The following ZCCHC7 variants were observed in gnomAD, a reference collection of about 807,000 sequenced individuals.
The protein encoded by ZCCHC7 is zinc finger CCHC domain-containing protein 7.
ZCCHC7 carries 35 observed loss-of-function variants against 52.0 expected under a neutral mutation model. That is an observed-to-expected ratio of 0.67 (90% CI 0.51 to 0.89). The LOEUF (loss-of-function observed/expected upper bound fraction) is 0.89. Among genes scored for constraint, ZCCHC7 ranks in the 40% least tolerant of loss-of-function variants. ZCCHC7 has a pLI of 0.00. For synonymous variants in ZCCHC7, 217 were observed against 221.5 expected (o/e 0.98, Z 0.18); for missense variants, 574 against 649.1 (o/e 0.88, Z 1.26).
intron 2 of ZCCHC7, among the ~76,000 whole-genome samples, chr9:37,290,779 G>A (rs146045450): frequency 2.6e-5 from 4 of 152,226 alleles, no homozygotes; most frequent in African/African-American, 9.6e-5. Flanking sequence ...TACTGTGTGG[G>A]TACATTGGAC....
intron 2 of ZCCHC7, among the ~76,000 whole-genome samples, chr9:37,188,314 A>AT (rs149793998): frequency 4.6e-5 from 7 of 151,456 alleles, no homozygotes; most frequent in African/African-American, 7.3e-5. Context: ...TGCCTGACTA[A>AT]TTTTTTTTAT....
intron 2 of ZCCHC7, among the ~76,000 whole-genome samples, chr9:37,203,272 A>G (rs1411924807): frequency 6.6e-6 from 1 of 152,212 alleles, no homozygotes; most frequent in African/African-American, 2.4e-5. Flanking sequence ...CAGGTACGCA[A>G]CAGTTTCTTT....
intron 2 of ZCCHC7, among the ~76,000 whole-genome samples, chr9:37,190,943 A>G (rs529276874): frequency 6.7e-6 from 1 of 149,758 alleles, no homozygotes; most frequent in South Asian, 2.1e-4. Context: ...AATTGCTTGA[A>G]CCCGGGAGGC....
At chr9:37,349,540 A>C (rs1377531830) in intron 7 of ZCCHC7, 88 bp downstream of exon 7, 5 of 1,252,730 alleles carry the variant, frequency 4.0e-6, no homozygotes, top group Middle Eastern at 3.8e-4. Flanking sequence ...GTAACTCTAA[A>C]TACTTACTTT....
chr9:37,306,047 T>C (rs79803630), intron 5 of ZCCHC7, among the ~76,000 whole-genome samples: 7,704 of 151,722 alleles, frequency 0.051, 639 homozygotes, highest in African/African-American at 0.18. Context: ...CATGTAAAAT[T>C]TGTGTATTCA....
At chr9:37,331,869 G>A (rs1047361732) in intron 6 of ZCCHC7, among the ~76,000 whole-genome samples, 2 of 151,420 alleles carry the variant, frequency 1.3e-5, no homozygotes, top group Non-Finnish European at 3.0e-5. Context: ...CTCTGTGTGC[G>A]CTTTGGTGTG....
At chr9:37,355,075 T>C (rs184572769) in intron 8 of ZCCHC7, among the ~76,000 whole-genome samples, 2 of 152,374 alleles carry the variant, frequency 1.3e-5, no homozygotes, top group African/African-American at 2.4e-5. Context: ...AAAATATTGC[T>C]GTCCATCTAT....
chr9:37,262,285 A>T (rs894082048), intron 2 of ZCCHC7, among the ~76,000 whole-genome samples: 1 of 152,080 alleles, frequency 6.6e-6, no homozygotes, highest in Non-Finnish European at 1.5e-5. Flanking sequence ...CAGAAAGTAC[A>T]CTGAAGTATA....
chr9:37,161,009 G>A lies in ZCCHC7; in HGVS notation c.610+34067G>A, dbSNP rs984489172. ...CTGTTGCCCAGGCTGGAGTACAGTG[G>A]CACGATCTCAGCTCACTGCACTCTC... is the stretch of plus-strand genomic sequence containing the variant. On this transcript the variant is annotated intron_variant, in intron 2 of 8. Transcript: ENST00000336755. Among the ~76,000 whole-genome samples the A allele has an allele frequency of 5.9e-5, 9 of 151,346 alleles. No homozygotes were observed. In the South Asian group the frequency reaches 1.5e-3, roughly 25 times the overall value.
intron 2 of ZCCHC7, among the ~76,000 whole-genome samples, chr9:37,277,249 A>C (rs982162128): frequency 9.2e-5 from 14 of 152,216 alleles, no homozygotes; most frequent in Admixed American, 7.9e-4. Context: ...TCCCACAGGT[A>C]ATTCTACTCT....
intron 2 of ZCCHC7, among the ~76,000 whole-genome samples, chr9:37,164,498 T>C (rs10973238): frequency 0.13 from 17,766 of 134,946 alleles, 1,620 homozygotes; most frequent in East Asian, 0.26. Context: ...GATAGATAGA[T>C]AGACAGACAA....
At chr9:37,209,028 TAATAA>T (rs1214530173) in intron 2 of ZCCHC7, among the ~76,000 whole-genome samples, 2 of 152,138 alleles carry the variant, frequency 1.3e-5, no homozygotes, top group East Asian at 3.8e-4. Context: ...GGGGCTGGCA[TAATAA>T]AATACAACCG....
chr9:37,319,082 T>G (rs1016226855), intron 5 of ZCCHC7, among the ~76,000 whole-genome samples: 1 of 152,240 alleles, frequency 6.6e-6, no homozygotes, highest in African/African-American at 2.4e-5. Flanking sequence ...TTCTAATAGA[T>G]GTATACTGTC....
At chr9:37,252,042 A>G (rs1227497081) in intron 2 of ZCCHC7, among the ~76,000 whole-genome samples, 1 of 152,208 alleles carries the variant, frequency 6.6e-6, no homozygotes, top group African/African-American at 2.4e-5. Context: ...TTCTGAAAAC[A>G]TACCATTATT....
chr9:37,320,360 G>C (rs984929997), intron 5 of ZCCHC7, among the ~76,000 whole-genome samples: 1 of 152,196 alleles, frequency 6.6e-6, no homozygotes, highest in Non-Finnish European at 1.5e-5. Flanking sequence ...TTAGAGGCAT[G>C]AGCCACCGCA....
intron 7 of ZCCHC7, among the ~76,000 whole-genome samples, chr9:37,352,507 T>C (rs2118662408): frequency 7.0e-6 from 1 of 142,098 alleles, no homozygotes; most frequent in East Asian, 2.0e-4. Context: ...AATCACAATT[T>C]GCTCTTTTTT....
At chr9:37,216,087 A>G (rs1157825664) in intron 2 of ZCCHC7, among the ~76,000 whole-genome samples, 2 of 152,168 alleles carry the variant, frequency 1.3e-5, no homozygotes, top group African/African-American at 4.8e-5. Flanking sequence ...TTGATCATAG[A>G]GGCTTTAAAC....
At chr9:37,289,566 C>G (rs1191987319) in intron 2 of ZCCHC7, among the ~76,000 whole-genome samples, 1 of 151,860 alleles carries the variant, frequency 6.6e-6, no homozygotes, top group East Asian at 1.9e-4. Context: ...GAGGTACTAT[C>G]TTTTTTGGAC....
At chr9:37,256,636 T>C (rs145680933) in intron 2 of ZCCHC7, among the ~76,000 whole-genome samples, 1 of 152,322 alleles carries the variant, frequency 6.6e-6, no homozygotes, top group African/African-American at 2.4e-5. Flanking sequence ...TTCTGTATGA[T>C]GAAACGGGAA....
Sources: gnomAD v4.1 joint callset for allele counts (sites outside exome capture counted in the v4.1 genomes callset) on GRCh38, gnomAD v4.1.1 for gene constraint, MANE v1.5 for transcripts, NCBI Gene and HGNC (gene_info 2026-07-23, HGNC 2026-07-21) for gene names.